BST1: variants seen among roughly 807,000 people sequenced by gnomAD.
The protein encoded by BST1 is bone marrow stromal cell antigen 1.
In BST1, 49 loss-of-function variants were observed where a neutral mutation model predicts 40.6. The observed-to-expected ratio is 1.21, with a 90% CI of 0.96 to 1.53. The LOEUF is 1.53. Among genes scored for constraint, BST1 ranks in the 40% most tolerant of loss-of-function variants. BST1 has a pLI of 0.00. For missense variants in BST1, 423 were observed against 395.9 expected, an observed-to-expected ratio of 1.07 and a Z score of -0.58; for synonymous variants, 157 against 159.3, an observed-to-expected ratio of 0.99 and a Z score of 0.11.
downstream of BST1, chr4:15,737,764 A>G (rs1468674873): frequency 1.6e-6 from 2 of 1,283,630 alleles, no homozygotes; most frequent in African/African-American, 3.1e-5. Context: ...CTTGGTAACA[A>G]GGTACTTTCT....
At chr4:15,753,255 G>A in the BST1 span, among the ~76,000 whole-genome samples, 1 of 152,280 alleles carries the variant, frequency 6.6e-6, no homozygotes, top group Admixed American at 6.5e-5. Flanking sequence ...CTCTGTCTAA[G>A]CTGTCTCTAT....
At chr4:15,757,028 T>C in the BST1 span, among the ~76,000 whole-genome samples, 193 of 151,634 alleles carry the variant, frequency 1.3e-3, 1 homozygote, top group Non-Finnish European at 2.2e-3. Flanking sequence ...AGTAAAACCA[T>C]CTGTATCAGG....
At chr4:15,758,602 T>C in the BST1 span, among the ~76,000 whole-genome samples, 1 of 152,230 alleles carries the variant, frequency 6.6e-6, no homozygotes, top group African/African-American at 2.4e-5. Context: ...TGTATGATAC[T>C]GTTTGTTAAC....
At chr4:15,726,457 C>T (rs1721119288) in intron 8 of BST1, among the ~76,000 whole-genome samples, 1 of 152,192 alleles carries the variant, frequency 6.6e-6, no homozygotes, top group Non-Finnish European at 1.5e-5. Context: ...TCTACAACAC[C>T]TTCAGAGAAG....
At chr4:15,721,935 C>T (rs1003280602) in intron 7 of BST1, among the ~76,000 whole-genome samples, 2 of 152,184 alleles carry the variant, frequency 1.3e-5, no homozygotes, top group South Asian at 2.1e-4. Context: ...CTGCAGTGAT[C>T]GTGCCACAGA....
At chr4:15,768,586 C>T in the BST1 span, among the ~76,000 whole-genome samples, 1 of 151,346 alleles carries the variant, frequency 6.6e-6, no homozygotes, top group African/African-American at 2.4e-5. Context: ...CTCCGCTTCC[C>T]GGGTTCACGC....
intron 3 of BST1, among the ~76,000 whole-genome samples, chr4:15,710,686 G>A (rs1432269852): frequency 6.6e-6 from 1 of 152,040 alleles, no homozygotes; most frequent in Non-Finnish European, 1.5e-5. Context: ...TGCAATATTT[G>A]TTTTCCTGTA....
intron 7 of BST1, among the ~76,000 whole-genome samples, chr4:15,720,185 T>A (rs886775618): frequency 1.3e-5 from 2 of 152,182 alleles, no homozygotes; most frequent in Non-Finnish European, 2.9e-5. Context: ...TTAATTAGTT[T>A]TATCTGTCTT....
chr4:15,743,326 C>T, the BST1 span: 1 of 346,390 alleles, frequency 2.9e-6, no homozygotes, highest in South Asian at 2.9e-5. Flanking sequence ...AAAAAGCATG[C>T]ACATCTTACA....
chr4:15,707,985 A>G (rs1224620285), intron 3 of BST1, among the ~76,000 whole-genome samples: 1 of 151,970 alleles, frequency 6.6e-6, no homozygotes, highest in African/African-American at 2.4e-5. Context: ...CATAATCCCC[A>G]TTTTGATAAA....
chr4:15,726,679 C>A (rs1721130716), intron 8 of BST1, among the ~76,000 whole-genome samples: 1 of 152,088 alleles, frequency 6.6e-6, no homozygotes, highest in Admixed American at 6.5e-5. Context: ...CTCTTTGTCT[C>A]ATTAATCAGA....
downstream of BST1, among the ~76,000 whole-genome samples, chr4:15,738,759 A>G (rs1721658779): frequency 6.6e-6 from 1 of 152,208 alleles, no homozygotes; most frequent in Non-Finnish European, 1.5e-5. Context: ...GAAAATTTCC[A>G]AAGTAAAGAC....
chr4:15,741,214 T>C (rs1013557420), downstream of BST1, among the ~76,000 whole-genome samples: 1 of 152,044 alleles, frequency 6.6e-6, no homozygotes, highest in Non-Finnish European at 1.5e-5. Flanking sequence ...AACAGCTGGA[T>C]TGGCAGGCTT....
At chr4:15,743,616 C>G in the BST1 span, 1 of 300,476 alleles carries the variant, frequency 3.3e-6, no homozygotes, top group African/African-American at 2.2e-5. Flanking sequence ...TTCCTCCTGC[C>G]CCTCCTATTT....
chr4:15,747,061 T>G, the BST1 span, among the ~76,000 whole-genome samples: 1 of 152,166 alleles, frequency 6.6e-6, no homozygotes, highest in African/African-American at 2.4e-5. Context: ...TGTTATATGC[T>G]TGCTGTGGCT....
chr4:15,731,585 G>C (rs1403543571), intron 8 of BST1, 155 bp from the exon 9 acceptor site: 1 of 1,127,178 alleles, frequency 8.9e-7, no homozygotes, highest in Non-Finnish European at 1.3e-6. Flanking sequence ...AGGACTTCGC[G>C]CACCGCCTCC....
the BST1 span, among the ~76,000 whole-genome samples, chr4:15,762,856 CA>C: frequency 1.3e-5 from 2 of 152,006 alleles, no homozygotes; most frequent in Non-Finnish European, 2.9e-5. Context: ...CAGGTTCATC[CA>C]AATTGACACA....
chr4:15,770,136 G>A, the BST1 span, among the ~76,000 whole-genome samples: 2 of 132,178 alleles, frequency 1.5e-5, no homozygotes, highest in East Asian at 4.2e-4. Context: ...CACCGGGCAT[G>A]GCTAAAATGT....
At chr4:15,772,123 A>G in the BST1 span, among the ~76,000 whole-genome samples, 1 of 152,112 alleles carries the variant, frequency 6.6e-6, no homozygotes, top group Non-Finnish European at 1.5e-5. Context: ...TCTATTTGAC[A>G]TTTATTCCAC....
Sources: allele counts gnomAD v4.1 joint callset (sites outside exome capture counted in the v4.1 genomes callset), GRCh38; gene constraint gnomAD v4.1.1; transcripts MANE v1.5; gene names NCBI Gene and HGNC (gene_info 2026-07-23, HGNC 2026-07-21).